TRPM6: variants seen among roughly 807,000 people sequenced by gnomAD.
The protein encoded by TRPM6 is channel kinase 2.
Under a neutral mutation model 247.6 loss-of-function variants are expected in TRPM6, and 111 were observed. That is an observed-to-expected ratio of 0.45 (90% CI 0.38 to 0.52). The LOEUF is 0.52. TRPM6 is among the 20% of genes least tolerant of loss of function. The pLI is 0.00. For missense variants in TRPM6, 2,126 were observed against 2,421.5 expected (o/e 0.88, Z 2.56); for synonymous variants, 892 against 853.8 (o/e 1.04, Z -0.78).
At chr9:74,830,980 C>T (rs946389067) in intron 6 of TRPM6, among the ~76,000 whole-genome samples, 1 of 151,916 alleles carries the variant, frequency 6.6e-6, no homozygotes, top group Non-Finnish European at 1.5e-5. Context: ...TCCAAGCATT[C>T]CACTTCGAGA....
At position 74,738,628 on chromosome 9, in the gene TRPM6, A is replaced by G; in HGVS notation, c.5571-16T>C. 3 of 1,612,378 alleles carry G rather than the reference A, an allele frequency of 1.9e-6. No homozygotes were observed. The highest frequency in any genetic ancestry group is 2.5e-6 in the Non-Finnish European group (3 of 1,178,498). On this transcript the variant is annotated splice_polypyrimidine_tract_variant and intron_variant, in intron 35 of 38. Coordinates refer to ENST00000360774, the MANE Select transcript of TRPM6 (RefSeq NM_017662.5). ...TTCCAGGAACCTGTTAGGGAAAAAG[A>G]GGCCATTGATCCCCCACAATACAGC...
intron 23 of TRPM6, among the ~76,000 whole-genome samples, chr9:74,780,248 A>C (rs1289951535): frequency 6.6e-6 from 1 of 152,002 alleles, no homozygotes; most frequent in Non-Finnish European, 1.5e-5. Flanking sequence ...TGGGTGCAGG[A>C]ATTTGAGACC....
intron 13 of TRPM6, among the ~76,000 whole-genome samples, chr9:74,809,348 T>C (rs1005190081): frequency 1.3e-5 from 2 of 152,232 alleles, no homozygotes; most frequent in Admixed American, 6.5e-5. Context: ...TGCCCATTTA[T>C]AGTAAATTTT....
At position 74,802,130 on chromosome 9, in the gene TRPM6, G is replaced by C. The variant is rs1458170502; in HGVS notation, c.1777C>G (p.Gln593Glu). ...GACTCAGGGTCATCTGATACATTTT[G>C]TTCTTTTGACTTCTTCCTTGATTTA... ...LHKSRKKSKE[Q>E]NVSDDPESTG... is the part of the protein sequence containing the mutation. The change falls in exon 16 of 39, where the codon CAA becomes GAA. Residue 593 changes from glutamine to glutamate, a missense_variant. Gln to Glu is a conservative substitution (Grantham distance 29). Transcript: ENST00000360774. The C allele has an allele frequency of 6.2e-7, 1 of 1,614,060 alleles. No individual in the cohort carries two copies. Among genetic ancestry groups the C allele is most frequent in the Non-Finnish European group, 8.5e-7 (1 of 1,179,974 alleles).
At chr9:74,881,138 AT>A (rs1376497346) in intron 1 of TRPM6, among the ~76,000 whole-genome samples, 4 of 152,044 alleles carry the variant, frequency 2.6e-5, no homozygotes, top group East Asian at 1.9e-4. Context: ...CTACAAAAAA[AT>A]TTTTTTAATT....
chr9:74,883,070 A>C (rs990491814), intron 1 of TRPM6, among the ~76,000 whole-genome samples: 10 of 152,066 alleles, frequency 6.6e-5, no homozygotes, highest in Admixed American at 6.6e-4. Flanking sequence ...TGTTTGTATG[A>C]ATTTGATTTC....
At chr9:74,757,130 A>G (rs549820148) in intron 27 of TRPM6, among the ~76,000 whole-genome samples, 2 of 152,016 alleles carry the variant, frequency 1.3e-5, no homozygotes, top group Admixed American at 6.5e-5. Context: ...GTGAGCCAAC[A>G]TGGTGCCACT....
chr9:74,878,118 C>T (rs1831248412), intron 1 of TRPM6, among the ~76,000 whole-genome samples: 1 of 152,170 alleles, frequency 6.6e-6, no homozygotes, highest in African/African-American at 2.4e-5. Context: ...CACCTGCAGG[C>T]CTGGGGACTG....
intron 29 of TRPM6, among the ~76,000 whole-genome samples, chr9:74,751,931 A>T (rs1207242738): frequency 6.6e-6 from 1 of 152,250 alleles, no homozygotes; most frequent in African/African-American, 2.4e-5. Context: ...ACCTCTTAAA[A>T]GTGTATAGAA....
At chr9:74,748,773 G>A (rs374406818) in intron 30 of TRPM6, among the ~76,000 whole-genome samples, 26 of 151,992 alleles carry the variant, frequency 1.7e-4, no homozygotes, top group African/African-American at 5.3e-4. Flanking sequence ...AAAAAGTTAC[G>A]GTAAAGCTAA....
chr9:74,883,519 T>TA (rs1831430694), intron 1 of TRPM6, among the ~76,000 whole-genome samples: 1 of 152,190 alleles, frequency 6.6e-6, no homozygotes, highest in Non-Finnish European at 1.5e-5. Flanking sequence ...GTTTGGCACA[T>TA]AACACTCGGT....
chr9:74,858,784 A>G (rs1485994000), intron 1 of TRPM6, 36 bp from the exon 2 acceptor site: 1 of 1,502,974 alleles, frequency 6.7e-7, no homozygotes, highest in Non-Finnish European at 9.2e-7. Flanking sequence ...TACTCTAATT[A>G]TGTGACAAAA....
chr9:74,816,406 C>T (rs1468099834), intron 11 of TRPM6, among the ~76,000 whole-genome samples: 2 of 149,616 alleles, frequency 1.3e-5, no homozygotes, highest in Non-Finnish European at 1.5e-5. Context: ...AAATAAAAAC[C>T]TTCCATTCTG....
chr9:74,792,993 C>T (rs1001148004), intron 18 of TRPM6, among the ~76,000 whole-genome samples: 2 of 152,020 alleles, frequency 1.3e-5, no homozygotes, highest in Admixed American at 1.3e-4. Flanking sequence ...CCTGCCTCTA[C>T]TAAAAATATA....
intron 38 of TRPM6, among the ~76,000 whole-genome samples, chr9:74,725,626 T>C (rs1825292355): frequency 6.6e-6 from 1 of 151,800 alleles, no homozygotes; most frequent in Non-Finnish European, 1.5e-5. Context: ...CAAGATCTGA[T>C]AGTTTTAAAA....
At chr9:74,724,880 C>A in intron 38 of TRPM6, 134 bp from the exon 39 acceptor site, 1 of 1,151,492 alleles carries the variant, frequency 8.7e-7, no homozygotes, top group Non-Finnish European at 1.3e-6. Context: ...ATGTGGAACT[C>A]AAACCCTCAA....
intron 21 of TRPM6, 117 bp from the exon 22 acceptor site, chr9:74,782,970 C>G: frequency 1.0e-6 from 1 of 961,790 alleles, no homozygotes; most frequent in South Asian, 1.4e-5. Flanking sequence ...TAGTCATTGA[C>G]TAAAACACCC....
At chr9:74,813,671 T>C (rs955974512) in intron 11 of TRPM6, among the ~76,000 whole-genome samples, 17 of 152,190 alleles carry the variant, frequency 1.1e-4, no homozygotes, top group African/African-American at 3.4e-4. Flanking sequence ...AAGAGTTTTT[T>C]ATCCGCTACA....
chr9:74,742,433 T>G lies in TRPM6; in HGVS notation c.5200+128A>C, dbSNP rs542986352. 46 of 848,294 alleles carry G rather than the reference T, an allele frequency of 5.4e-5. No homozygotes were observed. The Admixed American group carries it at 5.7e-4, about 10-fold the overall frequency. 52.5% of individuals were successfully genotyped at this position (848,294 alleles called of 1,614,324 possible). On this transcript the variant is annotated intron_variant, in intron 33 of 38. Coordinates refer to ENST00000360774, the MANE Select transcript of TRPM6 (RefSeq NM_017662.5). ...GAATTTCCATTTTAGGAAATGAATC[T>G]CACTAAACTACAACTATCAACAAAA...
Sources: gnomAD v4.1 joint callset for allele counts (sites outside exome capture counted in the v4.1 genomes callset) on GRCh38, gnomAD v4.1.1 for gene constraint, MANE v1.5 for transcripts, NCBI Gene and HGNC (gene_info 2026-07-23, HGNC 2026-07-21) for gene names.